Variants in WDPCP observed in about 807,000 individuals in gnomAD.
WDPCP encodes WD repeat containing planar cell polarity effector, also known as WD repeat-containing and planar cell polarity effector protein fritz homolog.
A neutral mutation model predicts 93.1 loss-of-function variants in WDPCP; 71 were observed. The observed-to-expected ratio is 0.76, with a 90% confidence interval of 0.63 to 0.93. The LOEUF (loss-of-function observed/expected upper bound fraction) is 0.93, where lower values mean the gene tolerates loss of function less well. Ranked by LOEUF, WDPCP falls within the 40% of genes least tolerant of loss-of-function variation. WDPCP has a pLI of 0.00. For synonymous variants in WDPCP, 315 were observed against 315.0 expected (o/e 1.00, Z 0.00); for missense variants, 844 against 887.4 (o/e 0.95, Z 0.62).
chr2:63,557,909 T>C (rs1706254493), intron 1 of WDPCP, among the ~76,000 whole-genome samples: 2 of 151,868 alleles, frequency 1.3e-5, no homozygotes, highest in Non-Finnish European at 2.9e-5. Flanking sequence ...GGGTAAATAA[T>C]GAAATTAAGA....
At chr2:63,700,350 G>A (rs1054917918) in intron 2 of WDPCP, among the ~76,000 whole-genome samples, 1 of 147,094 alleles carries the variant, frequency 6.8e-6, no homozygotes, top group Non-Finnish European at 1.5e-5. Flanking sequence ...TACTTAATTA[G>A]TACAGGCTCC....
chr2:63,672,357 T>A (rs1195756773), intron 2 of WDPCP, among the ~76,000 whole-genome samples: 2 of 152,230 alleles, frequency 1.3e-5, no homozygotes, highest in Non-Finnish European at 2.9e-5. Flanking sequence ...CTGAGAAGCA[T>A]TACTTTAATG....
chr2:63,434,699 C>A (rs771196521), intron 8 of WDPCP, among the ~76,000 whole-genome samples: 3 of 152,010 alleles, frequency 2.0e-5, no homozygotes, highest in Non-Finnish European at 4.4e-5. Context: ...ATAATCGAAC[C>A]ACTTTCTGGG....
At chr2:63,362,488 G>A (rs1030934359) in intron 12 of WDPCP, among the ~76,000 whole-genome samples, 8 of 151,912 alleles carry the variant, frequency 5.3e-5, no homozygotes, top group African/African-American at 1.9e-4. Context: ...GTACTGCCAG[G>A]AGAACAAATT....
chr2:63,625,078 C>T (rs1709795914), intron 3 of WDPCP, among the ~76,000 whole-genome samples: 1 of 152,128 alleles, frequency 6.6e-6, no homozygotes. Context: ...TGACAAAAAC[C>T]ACATGAATAT....
chr2:63,617,527 T>G (rs1482514961), intron 3 of WDPCP, among the ~76,000 whole-genome samples: 1 of 152,130 alleles, frequency 6.6e-6, no homozygotes, highest in Non-Finnish European at 1.5e-5. Context: ...ACTTTCATAT[T>G]GTCTGCGGTT....
intron 12 of WDPCP, among the ~76,000 whole-genome samples, chr2:63,319,504 C>A (rs1239601767): frequency 6.6e-6 from 1 of 152,340 alleles, no homozygotes; most frequent in African/African-American, 2.4e-5. Context: ...AAACAGGAGT[C>A]TTAAACAACA....
intron 14 of WDPCP, among the ~76,000 whole-genome samples, chr2:63,223,908 G>T (rs889832033): frequency 6.6e-6 from 1 of 151,938 alleles, no homozygotes; most frequent in African/African-American, 2.4e-5. Context: ...GTCTATTCTT[G>T]CATCAATATC....
chr2:63,647,954 A>G (rs1277800241), intron 3 of WDPCP, among the ~76,000 whole-genome samples: 1 of 152,190 alleles, frequency 6.6e-6, no homozygotes, highest in East Asian at 1.9e-4. Flanking sequence ...AGCTCTGCAT[A>G]CTACCATTTG....
chr2:63,243,277 C>A (rs1680006859), intron 14 of WDPCP, among the ~76,000 whole-genome samples: 1 of 152,046 alleles, frequency 6.6e-6, no homozygotes, highest in Non-Finnish European at 1.5e-5. Context: ...ATTTGCATCT[C>A]TCTGATGGTT....
At chr2:63,195,280 T>A (rs1209847085) in intron 14 of WDPCP, among the ~76,000 whole-genome samples, 1 of 152,142 alleles carries the variant, frequency 6.6e-6, no homozygotes, top group Non-Finnish European at 1.5e-5. Flanking sequence ...CTGTACTGAG[T>A]CAGGCAACAA....
intron 2 of WDPCP, among the ~76,000 whole-genome samples, chr2:63,706,512 A>T (rs1469974753): frequency 1.2e-4 from 18 of 144,694 alleles, no homozygotes; most frequent in African/African-American, 4.4e-4. Flanking sequence ...ATCTCTCAGC[A>T]TTTGCTTGTC....
chr2:63,298,981 T>G (rs1037405999), intron 13 of WDPCP, among the ~76,000 whole-genome samples: 4 of 152,230 alleles, frequency 2.6e-5, no homozygotes. Context: ...TTGTGGGCAC[T>G]TCCTTGAGGA....
At chr2:63,722,356 A>G in intron 2 of WDPCP, among the ~76,000 whole-genome samples, 1 of 132,772 alleles carries the variant, frequency 7.5e-6, no homozygotes, top group African/African-American at 2.9e-5. Flanking sequence ...ATCGTCTGAG[A>G]TGTGGGGAGC....
chr2:63,268,194 C>T (rs1662380383), intron 13 of WDPCP, among the ~76,000 whole-genome samples: 1 of 152,020 alleles, frequency 6.6e-6, no homozygotes, highest in Admixed American at 6.6e-5. Flanking sequence ...AACTAGAGGA[C>T]ATTATGCTAA....
rs1048641547 is a variant in WDPCP at position 63,574,177 on chromosome 2, A to G, written c.75+14020T>C. Among the ~76,000 whole-genome samples the G allele has an allele frequency of 3.3e-5, 5 of 150,840 alleles. No homozygotes were observed. In the East Asian group the frequency reaches 9.7e-4, roughly 29 times the overall value. ...TCTGTGACCCACACCCTATTCATAC[A>G]CTCCCTCCCCTTTTGAAAATCACTA... On this transcript the variant is annotated intron_variant, in intron 1 of 17. Coordinates refer to ENST00000272321, the MANE Select transcript of WDPCP (RefSeq NM_015910.7).
chr2:63,511,696 T>C (rs1439060465), intron 1 of WDPCP, among the ~76,000 whole-genome samples: 1 of 152,222 alleles, frequency 6.6e-6, no homozygotes, highest in Non-Finnish European at 1.5e-5. Context: ...GCTAGCCATA[T>C]GCAGAAAACT....
intron 3 of WDPCP, among the ~76,000 whole-genome samples, chr2:63,639,142 G>A (rs779114533): frequency 6.6e-6 from 1 of 152,040 alleles, no homozygotes; most frequent in African/African-American, 2.4e-5. Context: ...GCCCAGGTTG[G>A]AGTGCAGTGG....
At chr2:63,682,064 G>T (rs1165767455) in intron 2 of WDPCP, among the ~76,000 whole-genome samples, 4 of 152,158 alleles carry the variant, frequency 2.6e-5, no homozygotes, top group Non-Finnish European at 5.9e-5. Context: ...TCCCAAGAAG[G>T]ACAGGTACAA....
Sources: gnomAD v4.1 joint callset for allele counts (sites outside exome capture counted in the v4.1 genomes callset) on GRCh38, gnomAD v4.1.1 for gene constraint, MANE v1.5 for transcripts, NCBI Gene and HGNC (gene_info 2026-07-23, HGNC 2026-07-21) for gene names.